The following MAVS variants were observed in gnomAD, a reference collection of about 807,000 sequenced individuals.
MAVS encodes the protein mitochondrial antiviral-signaling protein.
A neutral mutation model predicts 30.2 loss-of-function variants in MAVS; 20 were observed. That is an observed-to-expected ratio of 0.66 (90% CI 0.47 to 0.96). MAVS has a LOEUF of 0.96. Among genes scored for constraint, MAVS ranks in the 40% least tolerant of loss-of-function variants. The pLI is 0.00. For missense variants in MAVS, 624 were observed against 701.1 expected (o/e 0.89, Z 1.24); for synonymous variants, 278 against 293.9 (o/e 0.95, Z 0.55).
intron 5 of MAVS, among the ~76,000 whole-genome samples, chr20:3,864,007 G>C (rs1157239684): frequency 6.6e-6 from 1 of 152,118 alleles, no homozygotes; most frequent in Admixed American, 6.6e-5. Context: ...TGGTCTTCAG[G>C]CTCCTAGGTA....
At chr20:3,863,753 C>T (rs544764591) in intron 5 of MAVS, among the ~76,000 whole-genome samples, 18 of 152,222 alleles carry the variant, frequency 1.2e-4, no homozygotes, top group Admixed American at 3.9e-4. Flanking sequence ...TTGTCCTTGT[C>T]CCCTCTCTTC....
chr20:3,861,207 A>G (rs2089864169), intron 3 of MAVS, 125 bp from the exon 4 acceptor site: 1 of 812,712 alleles, frequency 1.2e-6, no homozygotes, highest in Non-Finnish European at 2.0e-6. Flanking sequence ...TGTGTTAGCC[A>G]GGGTGGTCTC....
rs371776071 is a variant in MAVS at position 3,863,212 on chromosome 20, C to T, written c.625+799C>T. ...CAGAGGAAGTAAGGTCTTCATCATCCAGTGGCCTGGACTCAACTCCAGATG... is the reference window on the plus strand; with the variant it reads ...CAGAGGAAGTAAGGTCTTCATCATCTAGTGGCCTGGACTCAACTCCAGATG... On this transcript the variant is annotated intron_variant, in intron 5 of 6. Transcript: ENST00000428216. Among the ~76,000 whole-genome samples, 7 of 152,298 alleles carry T rather than the reference C, an allele frequency of 4.6e-5. No homozygotes were observed. The East Asian group carries it at 9.6e-4, about 21-fold the overall frequency.
chr20:3,859,345 A>G (rs1459417119), intron 3 of MAVS, among the ~76,000 whole-genome samples: 2 of 151,922 alleles, frequency 1.3e-5, no homozygotes, highest in African/African-American at 4.8e-5. Context: ...GTCTGTACCA[A>G]AAATACAAAA....
Position 3,861,323 on chromosome 20 carries a change from G to C in MAVS, c.293-9G>C. 3 of 1,605,326 alleles carry C rather than the reference G, an allele frequency of 1.9e-6. No individual in the cohort carries two copies. Among genetic ancestry groups the C allele is most frequent in the Non-Finnish European group, 2.6e-6 (3 of 1,175,416 alleles). ...TCCTTCTTGATATCACTACATCTTTGTCCTCTAGGGACCTCGGACCGTCCC... is the reference window on the plus strand; with the variant it reads ...TCCTTCTTGATATCACTACATCTTTCTCCTCTAGGGACCTCGGACCGTCCC... On this transcript the variant is annotated splice_polypyrimidine_tract_variant and intron_variant, in intron 3 of 6. Coordinates refer to ENST00000428216, the MANE Select transcript of MAVS (RefSeq NM_020746.5).
chr20:3,856,306 G>A (rs1020918928), intron 2 of MAVS, among the ~76,000 whole-genome samples: 18 of 150,808 alleles, frequency 1.2e-4, no homozygotes, highest in Non-Finnish European at 4.4e-5. Context: ...CACCCGCCTC[G>A]GCCTCCCAAA....
intron 1 of MAVS, among the ~76,000 whole-genome samples, chr20:3,848,231 T>C (rs752623378): frequency 4.4e-4 from 67 of 152,100 alleles, no homozygotes; most frequent in Non-Finnish European, 8.8e-4. Context: ...CCTGAGTAGC[T>C]GGGACTACAG....
intron 5 of MAVS, among the ~76,000 whole-genome samples, chr20:3,863,773 C>T (rs1018914231): frequency 1.3e-5 from 2 of 152,092 alleles, no homozygotes; most frequent in Non-Finnish European, 2.9e-5. Flanking sequence ...CCCAAGCCTC[C>T]GGGATGGCCA....
In MAVS at chr20:3,869,003, C is replaced by T. The variant is rs1202505981; in HGVS notation, c.*2856C>T. ...CCCCTAGCCCCGCCTCCCATCCTCC[C>T]ATCTTTTTCTTTTTTCTTTTTTTTA... On this transcript the variant is annotated 3_prime_UTR_variant, in exon 7 of 7. Coordinates refer to ENST00000428216, the MANE Select transcript of MAVS (RefSeq NM_020746.5). 2 of 152,270 alleles carry T rather than the reference C, an allele frequency of 1.3e-5. No individual in the cohort carries two copies. Among genetic ancestry groups the T allele is most frequent in the Non-Finnish European group, 2.9e-5 (2 of 68,052 alleles). 9.4% of individuals were successfully genotyped at this position (152,270 alleles called of 1,614,324 possible). A position where few individuals can be genotyped will look rare whatever the true frequency, so the allele number is the denominator to read the frequency against.
chr20:3,848,860 T>A (rs1377793949), intron 1 of MAVS, among the ~76,000 whole-genome samples: 1 of 151,510 alleles, frequency 6.6e-6, no homozygotes, highest in Non-Finnish European at 1.5e-5. Flanking sequence ...GCCCAAGGAG[T>A]CATGCTTCTT....
At position 3,869,320 on chromosome 20, in the gene MAVS, C is replaced by G. The variant is rs1280941740; in HGVS notation, c.*3173C>G. On this transcript the variant is annotated 3_prime_UTR_variant, in exon 7 of 7. Coordinates refer to ENST00000428216, the MANE Select transcript of MAVS (RefSeq NM_020746.5). ...CCAGAGTAGCTGGGACTACAGGCGCCTGCCACCACGCCTGGCTAATTTTTT... is the reference window on the plus strand; with the variant it reads ...CCAGAGTAGCTGGGACTACAGGCGCGTGCCACCACGCCTGGCTAATTTTTT... 1 of 152,112 alleles carries G rather than the reference C, an allele frequency of 6.6e-6. No homozygotes were observed. Among genetic ancestry groups the G allele is most frequent in the African/African-American group, 2.4e-5 (1 of 41,386 alleles). 9.4% of individuals were successfully genotyped at this position (152,112 alleles called of 1,614,324 possible). A position where few individuals can be genotyped will look rare whatever the true frequency, so the allele number is the denominator to read the frequency against.
chr20:3,848,951 A>G (rs1238057653), intron 1 of MAVS, among the ~76,000 whole-genome samples: 1 of 151,994 alleles, frequency 6.6e-6, no homozygotes, highest in African/African-American at 2.4e-5. Flanking sequence ...CATCCTGACC[A>G]TAGTCATCCT....
Position 3,849,312 on chromosome 20 carries a change from C to G in MAVS, c.-68+2409C>G, listed in dbSNP as rs574215739. Reference sequence around the variant, plus strand: ...GCAACCTCTGCCTCCTGGGTTCAAGCGATTCTCCTGCCTCAGCCTCCCGAG... The same window carrying G: ...GCAACCTCTGCCTCCTGGGTTCAAGGGATTCTCCTGCCTCAGCCTCCCGAG... On this transcript the variant is annotated intron_variant, in intron 1 of 6. Transcript: ENST00000428216. 3.3e-5 allele frequency among the ~76,000 whole-genome samples: 5 copies of G among 151,678 alleles called. No homozygotes were observed. The South Asian group carries it at 6.3e-4, about 19-fold the overall frequency.
At chr20:3,861,213 G>T in intron 3 of MAVS, 119 bp from the exon 4 acceptor site, 1 of 882,072 alleles carries the variant, frequency 1.1e-6, no homozygotes. Flanking sequence ...AGCCAGGGTG[G>T]TCTCGATCTG....
At position 3,866,311 on chromosome 20, in the gene MAVS, T is replaced by A; in HGVS notation, c.*164T>A. The A allele has an allele frequency of 3.0e-6, 2 of 672,446 alleles. No homozygotes were observed. Among genetic ancestry groups the A allele is most frequent in the Non-Finnish European group, 4.9e-6 (2 of 407,058 alleles). The allele number at this position is 672,446 out of a possible 1,614,324, so 41.7% of individuals were successfully genotyped here. On this transcript the variant is annotated 3_prime_UTR_variant, in exon 7 of 7. Transcript: ENST00000428216. Reference sequence around the variant, plus strand: ...CAGGACATGCCTTGGCTGAACCAAGTCCTGAGAGCAGCATCTCTGTCCCCA... The same window carrying A: ...CAGGACATGCCTTGGCTGAACCAAGACCTGAGAGCAGCATCTCTGTCCCCA...
Position 3,873,667 on chromosome 20 carries a change from G to C in MAVS, c.*7520G>C, listed in dbSNP as rs961103473. On this transcript the variant is annotated 3_prime_UTR_variant, in exon 7 of 7. Transcript: ENST00000428216. ...CCCTTCTACCATGTGTGGATGCAGTGAGAAGGCACCGTATCTCTGAAGCAG... is the reference window on the plus strand; with the variant it reads ...CCCTTCTACCATGTGTGGATGCAGTCAGAAGGCACCGTATCTCTGAAGCAG... 19 of 154,160 alleles carry C rather than the reference G, an allele frequency of 1.2e-4. No individual in the cohort carries two copies. Among genetic ancestry groups the C allele is most frequent in the African/African-American group, 4.6e-4 (19 of 41,470 alleles). 9.5% of individuals were successfully genotyped at this position (154,160 alleles called of 1,614,324 possible).
At position 3,865,998 on chromosome 20, in the gene MAVS, G is replaced by A. The variant is rs755323700; in HGVS notation, c.1474G>A (p.Gly492Ser). ...TGGGCCACCTGCGGACCCGGATGGCGGCCCCAGGCCACAAGCCGACCGGAA... is the reference window on the plus strand; with the variant it reads ...TGGGCCACCTGCGGACCCGGATGGCAGCCCCAGGCCACAAGCCGACCGGAA... ...NPGPPADPDG[G>S]PRPQADRKFQ... Residue 492 changes from glycine (G) to serine (S), a missense_variant, in exon 7 of 7, where the codon GGC becomes AGC. Coordinates refer to ENST00000428216, the MANE Select transcript of MAVS (RefSeq NM_020746.5). This position sits in a 1 kb window ranked among gnomAD's most constrained non-coding sequence, Gnocchi z 4.7. 9 of 1,612,768 alleles carry A rather than the reference G, an allele frequency of 5.6e-6. No individual in the cohort carries two copies. The Admixed American group carries it at 8.3e-5, about 15-fold the overall frequency.
At chr20:3,862,180 C>T in intron 4 of MAVS, 74 bp from the exon 5 acceptor site, 1 of 1,547,140 alleles carries the variant, frequency 6.5e-7, no homozygotes, top group East Asian at 2.3e-5. Context: ...TAGGAGATGC[C>T]CCAAGAGCAC....
At position 3,874,389 on chromosome 20, in the gene MAVS, C is replaced by G; in HGVS notation, c.*8242C>G. On this transcript the variant is annotated 3_prime_UTR_variant, in exon 7 of 7. Coordinates refer to ENST00000428216, the MANE Select transcript of MAVS (RefSeq NM_020746.5). ...CTGTTGGAGATGTGGAAATAAAAAC[C>G]ACCTAAACAAGAGCAGAGAGGCCAT... 1 of 396,444 alleles carries G rather than the reference C, an allele frequency of 2.5e-6. No individual in the cohort carries two copies. Among genetic ancestry groups the G allele is most frequent in the Non-Finnish European group, 4.4e-6 (1 of 225,242 alleles). 24.6% of individuals were successfully genotyped at this position (396,444 alleles called of 1,614,324 possible). A position where few individuals can be genotyped will look rare whatever the true frequency, so the allele number is the denominator to read the frequency against.
Sources: allele counts gnomAD v4.1 joint callset (sites outside exome capture counted in the v4.1 genomes callset), GRCh38; gene constraint gnomAD v4.1.1; non-coding constraint Gnocchi (gnomAD v3.1); transcripts MANE v1.5; gene names NCBI Gene and HGNC (gene_info 2026-07-23, HGNC 2026-07-21).